The following ZDHHC7 variants were observed in gnomAD, a reference collection of about 807,000 sequenced individuals.
ZDHHC7 encodes the protein palmitoyltransferase ZDHHC7.
ZDHHC7 carries 12 observed loss-of-function variants against 34.1 expected under a neutral mutation model. The ratio of observed to expected loss-of-function variants is 0.35; its 90% confidence interval spans 0.23 to 0.57. The LOEUF (loss-of-function observed/expected upper bound fraction) is 0.57, where lower values mean the gene tolerates loss of function less well. Among genes scored for constraint, ZDHHC7 ranks in the 20% least tolerant of loss-of-function variants. The pLI is 0.84. For missense variants in ZDHHC7, 388 were observed against 402.7 expected (o/e 0.96, Z 0.31); for synonymous variants, 185 against 155.4 (o/e 1.19, Z -1.42).
chr16:85,014,169 C>T (rs560775967), upstream of ZDHHC7, among the ~76,000 whole-genome samples: 2 of 152,238 alleles, frequency 1.3e-5, no homozygotes, highest in South Asian at 4.1e-4. Flanking sequence ...TTTGTCAACC[C>T]AAAATAATCA....
Position 84,982,504 on chromosome 16 carries a change from CTT to C in ZDHHC7, c.316-512_316-511del, listed in dbSNP as rs560629064. On this transcript the variant is annotated intron_variant, in intron 3 of 7. Coordinates refer to ENST00000313732, the MANE Select transcript of ZDHHC7 (RefSeq NM_017740.3). ...TGTCCCCAGGTGGGGCAGGGAACCT[CTT>C]TGCACACCACTTCCCTGTAGCCCCT... Among the ~76,000 whole-genome samples the C allele has an allele frequency of 1.6e-4, 24 of 152,310 alleles. No individual in the cohort carries two copies. The South Asian group carries it at 4.6e-3, about 29-fold the overall frequency.
At chr16:85,009,652 T>A (rs973720915) in intron 1 of ZDHHC7, among the ~76,000 whole-genome samples, 1 of 152,154 alleles carries the variant, frequency 6.6e-6, no homozygotes, top group African/African-American at 2.4e-5. Context: ...TTCAGTTCCA[T>A]TCCATATTTC....
At chr16:84,976,550 G>T in intron 7 of ZDHHC7, 31 bp from the exon 8 acceptor site, 2 of 1,607,812 alleles carry the variant, frequency 1.2e-6, no homozygotes, top group Non-Finnish European at 1.7e-6. Context: ...AAGTGGCAGC[G>T]GCTCCAGGAA....
the ZDHHC7 span, among the ~76,000 whole-genome samples, chr16:85,024,473 C>T: frequency 2.0e-5 from 3 of 152,224 alleles, no homozygotes; most frequent in Admixed American, 6.5e-5. Context: ...CCTTGTGATC[C>T]GCCCACCTTG....
Position 84,997,895 on chromosome 16 carries a change from TAAAAA to T in ZDHHC7, c.-103-1893_-103-1889del, listed in dbSNP as rs751166134. On this transcript the variant is annotated intron_variant, in intron 1 of 7. Coordinates refer to ENST00000313732, the MANE Select transcript of ZDHHC7 (RefSeq NM_017740.3). Reference sequence around the variant, plus strand: ...CTGGGCGACAGAGCGAGACTCCGTCTAAAAAAAAAAAAAAAAAAAAAAATAGAAAT... The same window carrying T: ...CTGGGCGACAGAGCGAGACTCCGTCTAAAAAAAAAAAAAAAAAATAGAAAT... Among the ~76,000 whole-genome samples the T allele has an allele frequency of 6.2e-5, 4 of 64,426 alleles. No individual in the cohort carries two copies. The East Asian group carries it at 1.2e-3, about 19-fold the overall frequency. The allele number at this position is 64,426 out of a possible 152,430, so 42.3% of individuals were successfully genotyped here.
intron 2 of ZDHHC7, among the ~76,000 whole-genome samples, chr16:84,995,602 G>C (rs943101794): frequency 3.9e-5 from 6 of 152,110 alleles, no homozygotes; most frequent in African/African-American, 7.2e-5. Flanking sequence ...CTCTAGCCTA[G>C]GCAACAGACT....
rs1303991099 is a variant in ZDHHC7, at chr16:84,975,282, T to C, written c.*1061A>G. ...CCCCTGCCAGGGGCTGGCTGCCTCA[T>C]GGTCCCCTCCCCTTCCCAGAGGTGC... On this transcript the variant is annotated 3_prime_UTR_variant, in exon 8 of 8. Transcript: ENST00000313732. 4 of 152,614 alleles carry C rather than the reference T, an allele frequency of 2.6e-5. No homozygotes were observed. Among genetic ancestry groups the C allele is most frequent in the Non-Finnish European group, 5.9e-5 (4 of 68,086 alleles). The allele number at this position is 152,614 out of a possible 1,614,324, so 9.5% of individuals were successfully genotyped here. A position where few individuals can be genotyped will look rare whatever the true frequency, so the allele number is the denominator to read the frequency against.
the ZDHHC7 span, among the ~76,000 whole-genome samples, chr16:85,017,441 C>A: frequency 1.6e-4 from 24 of 152,170 alleles, no homozygotes; most frequent in Admixed American, 4.6e-4. Context: ...GGACAACTCA[C>A]AGGAGGAGCT....
At chr16:84,992,343 T>C (rs1292984290) in intron 2 of ZDHHC7, among the ~76,000 whole-genome samples, 1 of 25,126 alleles carries the variant, frequency 4.0e-5, no homozygotes, top group Non-Finnish European at 6.1e-5. Context: ...GGCAGGCGCC[T>C]GTACCTGTAA....
chr16:85,011,349 G>T lies in ZDHHC7; in HGVS notation c.-167C>A. On this transcript the variant is annotated 5_prime_UTR_variant, in exon 1 of 8. Coordinates refer to ENST00000313732, the MANE Select transcript of ZDHHC7 (RefSeq NM_017740.3). ...CCCGGCCTGCGGCGGCGGCGGCGGC[G>T]ACTGCAGCGGCCGAGGCAGGGACGC... The T allele has an allele frequency of 1.3e-5, 2 of 152,462 alleles. No individual in the cohort carries two copies. Among genetic ancestry groups the T allele is most frequent in the South Asian group, 3.6e-4 (2 of 5,582 alleles). The allele number at this position is 152,462 out of a possible 1,614,324, so 9.4% of individuals were successfully genotyped here.
chr16:84,991,353 T>G (rs1052844229), intron 2 of ZDHHC7, among the ~76,000 whole-genome samples: 1 of 151,822 alleles, frequency 6.6e-6, no homozygotes, highest in Non-Finnish European at 1.5e-5. Flanking sequence ...TGGTGCGATC[T>G]TGGCTCACTG....
At chr16:84,984,233 C>T (rs1464428630) in intron 3 of ZDHHC7, among the ~76,000 whole-genome samples, 1 of 152,012 alleles carries the variant, frequency 6.6e-6, no homozygotes, top group African/African-American at 2.4e-5. Flanking sequence ...GTTGGCCAGG[C>T]TGGTCTCGAA....
intron 2 of ZDHHC7, among the ~76,000 whole-genome samples, chr16:84,992,028 C>T (rs1192484970): frequency 6.6e-6 from 1 of 151,062 alleles, no homozygotes; most frequent in Non-Finnish European, 1.5e-5. Context: ...ATACAAAAAC[C>T]AGCCGGGCAT....
chr16:85,023,095 C>A, the ZDHHC7 span, among the ~76,000 whole-genome samples: 2 of 152,064 alleles, frequency 1.3e-5, no homozygotes, highest in African/African-American at 4.8e-5. Context: ...CACAGCCCTG[C>A]TGACACCTCA....
At chr16:84,982,390 A>T (rs934004073) in intron 3 of ZDHHC7, among the ~76,000 whole-genome samples, 38 of 142,822 alleles carry the variant, frequency 2.7e-4, no homozygotes, top group Admixed American at 1.2e-3. Flanking sequence ...TCAAACAATT[A>T]AAAAAAACTA....
intron 2 of ZDHHC7, among the ~76,000 whole-genome samples, chr16:84,993,619 G>A (rs1212657085): frequency 6.6e-6 from 1 of 151,984 alleles, no homozygotes; most frequent in Non-Finnish European, 1.5e-5. Flanking sequence ...TCCAGCCTGG[G>A]CAACAGAGTA....
At chr16:84,996,543 C>T (rs1445177342) in intron 1 of ZDHHC7, among the ~76,000 whole-genome samples, 1 of 152,210 alleles carries the variant, frequency 6.6e-6, no homozygotes, top group East Asian at 1.9e-4. Flanking sequence ...CGAACCCTGA[C>T]AGATGGGAGG....
intron 3 of ZDHHC7, among the ~76,000 whole-genome samples, chr16:84,985,891 G>A (rs779896331): frequency 3.7e-5 from 5 of 133,634 alleles, no homozygotes; most frequent in Admixed American, 2.7e-4. Context: ...AGAGGCAACC[G>A]TTTCAATGAG....
chr16:85,019,226 G>C, the ZDHHC7 span, among the ~76,000 whole-genome samples: 2 of 152,102 alleles, frequency 1.3e-5, no homozygotes, highest in African/African-American at 4.8e-5. Flanking sequence ...TTTACTCCTT[G>C]CCACATCTCA....
Sources: allele counts gnomAD v4.1 joint callset (sites outside exome capture counted in the v4.1 genomes callset), GRCh38; gene constraint gnomAD v4.1.1; transcripts MANE v1.5; gene names NCBI Gene and HGNC (gene_info 2026-07-23, HGNC 2026-07-21).